Variants in DOCK4 observed in about 807,000 individuals in gnomAD.
The protein encoded by DOCK4 is dedicator of cytokinesis 4, also known as dedicator of cytokinesis protein 4.
DOCK4 carries 97 observed loss-of-function variants against 268.1 expected under a neutral mutation model. The ratio of observed to expected loss-of-function variants is 0.36; its 90% CI spans 0.31 to 0.43. DOCK4 has a LOEUF of 0.43. Ranked by LOEUF, DOCK4 falls within the 20% of genes least tolerant of loss-of-function variation. DOCK4 has a pLI of 1.00. For missense variants in DOCK4, 2,145 were observed against 2,455.7 expected (o/e 0.87, Z 2.67); for synonymous variants, 954 against 887.2 (o/e 1.08, Z -1.34).
intron 1 of DOCK4, among the ~76,000 whole-genome samples, chr7:112,060,090 G>A (rs907910605): frequency 1.3e-5 from 2 of 152,214 alleles, no homozygotes; most frequent in Admixed American, 6.5e-5. Flanking sequence ...TTATACTTAG[G>A]GCTGCCAGCT....
At chr7:112,029,301 C>T (rs975646492) in intron 1 of DOCK4, among the ~76,000 whole-genome samples, 4 of 152,160 alleles carry the variant, frequency 2.6e-5, no homozygotes, top group Admixed American at 6.5e-5. Context: ...CACACCCCAG[C>T]ATATCTGAGT....
At position 111,863,385 on chromosome 7, in the gene DOCK4, A is replaced by C; in HGVS notation, c.2460T>G (p.Leu820=). The C allele has an allele frequency of 6.2e-7, 1 of 1,614,028 alleles. No individual in the cohort carries two copies. Among genetic ancestry groups the C allele is most frequent in the Non-Finnish European group, 8.5e-7 (1 of 1,179,884 alleles). Residue 820 remains leucine, a synonymous_variant, in exon 23 of 53, where the codon CTT becomes CTG. Coordinates refer to ENST00000428084, the MANE Select transcript of DOCK4 (RefSeq NM_001363540.2). The part of the protein sequence containing the change: ...QCIGKTVESQ[L]YTNPDSRYIL... Reference sequence around the variant, plus strand: ...GACTCACCCTACCTGGGTTGGTATAAAGCTGGCTTTCCACGGTTTTGCCAA... The same window carrying C: ...GACTCACCCTACCTGGGTTGGTATACAGCTGGCTTTCCACGGTTTTGCCAA...
At chr7:111,735,205 G>T in intron 50 of DOCK4, 38 bp from the exon 51 acceptor site, 1 of 1,377,720 alleles carries the variant, frequency 7.3e-7, no homozygotes, top group Non-Finnish European at 9.8e-7. Flanking sequence ...ACACGGTCCA[G>T]CTTTGCCCTT....
intron 26 of DOCK4, among the ~76,000 whole-genome samples, chr7:111,829,566 TAAC>T (rs1586113004): frequency 1.3e-5 from 2 of 152,194 alleles, no homozygotes; most frequent in Admixed American, 1.3e-4. Context: ...TAGATGACCT[TAAC>T]AACAGGCTTT....
intron 36 of DOCK4, among the ~76,000 whole-genome samples, chr7:111,769,914 CTGTTTTTGTCTTT>C (rs774025215): frequency 4.6e-5 from 7 of 152,032 alleles, no homozygotes; most frequent in East Asian, 3.9e-4. Flanking sequence ...ATTTTCGTTT[CTGTTTTTGTCTTT>C]TGTTTTTGTC....
intron 4 of DOCK4, among the ~76,000 whole-genome samples, chr7:111,996,352 A>T (rs946010966): frequency 6.6e-6 from 1 of 152,178 alleles, no homozygotes; most frequent in Non-Finnish European, 1.5e-5. Flanking sequence ...CCAAACCCAA[A>T]ATCAGTGTTC....
intron 12 of DOCK4, among the ~76,000 whole-genome samples, chr7:111,916,699 A>G (rs1204447194): frequency 1.3e-5 from 2 of 152,164 alleles, no homozygotes; most frequent in Non-Finnish European, 2.9e-5. Flanking sequence ...TATCATTGTG[A>G]ATATGTCTGT....
chr7:112,027,094 C>T (rs578069647), intron 1 of DOCK4, among the ~76,000 whole-genome samples: 1 of 152,274 alleles, frequency 6.6e-6, no homozygotes, highest in East Asian at 1.9e-4. Context: ...TAACATAATT[C>T]AACCTCACAA....
At chr7:111,809,682 T>C (rs1800938246) in intron 28 of DOCK4, among the ~76,000 whole-genome samples, 1 of 152,216 alleles carries the variant, frequency 6.6e-6, no homozygotes, top group African/African-American at 2.4e-5. Context: ...AAAGCTGTAT[T>C]CCAGGTTTCA....
Position 111,746,426 on chromosome 7 carries a change from G to A in DOCK4, c.4594-9C>T, listed in dbSNP as rs748351640. Reference sequence around the variant, plus strand: ...TCTTTGACAAAGAATGCCTAGTAAGGGAAAGGAGAATCAGTCTACTTTAGT... The same window carrying A: ...TCTTTGACAAAGAATGCCTAGTAAGAGAAAGGAGAATCAGTCTACTTTAGT... On this transcript the variant is annotated splice_polypyrimidine_tract_variant and intron_variant, in intron 43 of 52. Transcript: ENST00000428084. 137 of 1,596,208 alleles carry A rather than the reference G, an allele frequency of 8.6e-5. No homozygotes were observed. Among genetic ancestry groups the A allele is most frequent in the South Asian group, 7.0e-4 (62 of 89,086 alleles).
chr7:112,001,438 T>C (rs1800414573), intron 2 of DOCK4, among the ~76,000 whole-genome samples: 1 of 152,166 alleles, frequency 6.6e-6, no homozygotes, highest in Admixed American at 6.5e-5. Context: ...TTACTAGCCC[T>C]CTCGGTTACC....
chr7:112,133,911 AT>A (rs569921304), intron 1 of DOCK4, among the ~76,000 whole-genome samples: 8 of 151,500 alleles, frequency 5.3e-5, no homozygotes, highest in African/African-American at 9.7e-5. Context: ...TTGTGAAATA[AT>A]TTTTTTTTAA....
intron 12 of DOCK4, among the ~76,000 whole-genome samples, chr7:111,925,975 G>C (rs1294136636): frequency 1.3e-5 from 2 of 148,158 alleles, no homozygotes; most frequent in African/African-American, 5.2e-5. Context: ...GTCGCCTGTA[G>C]TTCCAGCTAT....
chr7:112,139,779 G>C (rs76762417), intron 1 of DOCK4, among the ~76,000 whole-genome samples: 2,042 of 152,224 alleles, frequency 0.013, 14 homozygotes, highest in Non-Finnish European at 0.019. Context: ...TTGTAAAAGG[G>C]AAATAGCAGA....
chr7:112,043,864 A>G (rs1804613119), intron 1 of DOCK4, among the ~76,000 whole-genome samples: 1 of 151,990 alleles, frequency 6.6e-6, no homozygotes, highest in African/African-American at 2.4e-5. Flanking sequence ...AGACTTTATT[A>G]TTTTGCATCT....
intron 1 of DOCK4, among the ~76,000 whole-genome samples, chr7:112,178,685 T>C (rs1818731058): frequency 6.6e-6 from 1 of 152,222 alleles, no homozygotes; most frequent in Non-Finnish European, 1.5e-5. Flanking sequence ...TGGTTTCTGA[T>C]AGCAGCTAGT....
Position 111,989,093 on chromosome 7 carries a change from A to T in DOCK4, c.386T>A (p.Val129Glu). 1 of 1,613,978 alleles carries T rather than the reference A, an allele frequency of 6.2e-7. No individual in the cohort carries two copies. The highest frequency in any genetic ancestry group is 8.5e-7 in the Non-Finnish European group (1 of 1,179,878). The change falls in exon 6 of 53, where the codon GTG (valine) becomes GAG (glutamate). Residue 129 changes from valine to glutamate, a missense_variant. Transcript: ENST00000428084. ...MNEILDLRRQVLVGHLTHDRM... is the reference protein window; with the variant it reads ...MNEILDLRRQELVGHLTHDRM... The stretch of plus-strand genomic sequence containing the variant: ...GTCGTGGGTGAGGTGGCCCACCAGC[A>T]CCTGCCGCCTCAGGTCCAGGATTTC...
At chr7:111,944,489 C>A (rs952105509) in intron 10 of DOCK4, among the ~76,000 whole-genome samples, 1 of 152,088 alleles carries the variant, frequency 6.6e-6, no homozygotes, top group East Asian at 1.9e-4. Flanking sequence ...TTTATGCTAA[C>A]AGAAATTAGA....
At chr7:112,041,750 A>G (rs948361204) in intron 1 of DOCK4, among the ~76,000 whole-genome samples, 3 of 152,350 alleles carry the variant, frequency 2.0e-5, no homozygotes, top group African/African-American at 7.2e-5. Context: ...TTTCTCATCA[A>G]TAAAATGAAG....
Sources: gnomAD v4.1 joint callset for allele counts (sites outside exome capture counted in the v4.1 genomes callset) on GRCh38, gnomAD v4.1.1 for gene constraint, MANE v1.5 for transcripts, NCBI Gene and HGNC (gene_info 2026-07-23, HGNC 2026-07-21) for gene names.